Variants in ZFP64 observed in about 807,000 individuals in gnomAD.
ZFP64 encodes the protein ZFP64 zinc finger protein, also known as zinc finger protein 64.
A neutral mutation model predicts 51.6 loss-of-function variants in ZFP64; 14 were observed. The observed-to-expected ratio is 0.27, with a 90% CI of 0.18 to 0.42. The LOEUF (loss-of-function observed/expected upper bound fraction) is 0.42, where lower values mean the gene tolerates loss of function less well. Ranked by LOEUF, ZFP64 falls within the 10% of genes least tolerant of loss-of-function variation. The pLI, the probability that ZFP64 is intolerant of heterozygous loss-of-function variation, is 1.00. For missense variants in ZFP64, 754 were observed against 906.8 expected (o/e 0.83, Z 2.16); for synonymous variants, 375 against 361.4 (o/e 1.04, Z -0.43).
intron 5 of ZFP64, among the ~76,000 whole-genome samples, chr20:52,118,013 G>A (rs1184505878): frequency 6.6e-6 from 1 of 151,942 alleles, no homozygotes; most frequent in Non-Finnish European, 1.5e-5. Flanking sequence ...GCCCAGGCTG[G>A]TCTTGAACTC....
At chr20:52,128,480 T>A (rs1979552056) in intron 5 of ZFP64, among the ~76,000 whole-genome samples, 1 of 152,182 alleles carries the variant, frequency 6.6e-6, no homozygotes, top group Non-Finnish European at 1.5e-5. Context: ...AAAACAGGAA[T>A]AAAATCATAC....
At chr20:52,175,947 A>C (rs1983172064) in intron 2 of ZFP64, 1 of 978,808 alleles carries the variant, frequency 1.0e-6, no homozygotes, top group Admixed American at 6.9e-5. Flanking sequence ...AACGGCCTTT[A>C]CCGTCCACAG....
At position 52,153,595 on chromosome 20, in the gene ZFP64, T is replaced by C. The variant is rs1458090085; in HGVS notation, c.764-167A>G. On this transcript the variant is annotated intron_variant, in intron 5 of 5. Transcript: ENST00000216923. The surrounding 1 kb of genome is among the most constrained non-coding windows in gnomAD (Gnocchi z 5.1). ...TGGGGGAAGAGGGGCAGGGCGTCTT[T>C]ATCTTTCCCCGGAACCCAAACCACC... 6.6e-6 allele frequency among the ~76,000 whole-genome samples: 1 copy of C among 152,152 alleles called. No homozygotes were observed. The highest frequency in any genetic ancestry group is 2.4e-5 in the African/African-American group (1 of 41,438).
At chr20:52,096,563 G>A (rs978600721) in intron 7 of ZFP64, among the ~76,000 whole-genome samples, 1 of 152,216 alleles carries the variant, frequency 6.6e-6, no homozygotes, top group Non-Finnish European at 1.5e-5. Flanking sequence ...ACAGATTAAG[G>A]GTTGGCAAAG....
intron 5 of ZFP64, among the ~76,000 whole-genome samples, chr20:52,102,912 T>C (rs987312241): frequency 6.6e-6 from 1 of 152,216 alleles, no homozygotes; most frequent in African/African-American, 2.4e-5. Context: ...ACACGTAAGA[T>C]TCTACCAGAT....
chr20:52,097,097 C>T (rs2078996613), intron 7 of ZFP64: 1 of 715,900 alleles, frequency 1.4e-6, no homozygotes, highest in Non-Finnish European at 2.6e-6. Context: ...TTTCTCTTCT[C>T]AGCAGCTGGC....
chr20:52,160,094 G>A lies in ZFP64; in HGVS notation c.763+29C>T, dbSNP rs115401275. On this transcript the variant is annotated intron_variant, in intron 5 of 5. Coordinates refer to ENST00000216923, the MANE Select transcript of ZFP64 (RefSeq NM_018197.3). The surrounding 1 kb of genome is among the most constrained non-coding windows in gnomAD (Gnocchi z 4.2). ...ATTTATGCCATAGAAAGTGAGGAGCGTAGAGAGCAAATAACAGGCAGGACT... is the reference window on the plus strand; with the variant it reads ...ATTTATGCCATAGAAAGTGAGGAGCATAGAGAGCAAATAACAGGCAGGACT... 1.2e-3 allele frequency: 1,995 copies of A among 1,614,072 alleles called. 21 individuals carry two copies. In the African/African-American group the frequency reaches 0.023, roughly 18 times the overall value.
chr20:52,088,821 T>C (rs1568939745), intron 7 of ZFP64: 1 of 795,054 alleles, frequency 1.3e-6, no homozygotes, highest in Non-Finnish European at 2.0e-6. Flanking sequence ...TATCATTCAT[T>C]GATAGTTCAG....
chr20:52,169,196 T>C (rs1207724811), intron 2 of ZFP64, among the ~76,000 whole-genome samples: 1 of 152,222 alleles, frequency 6.6e-6, no homozygotes, highest in African/African-American at 2.4e-5. Context: ...GATGTGGCCA[T>C]GGTTGAATCT....
chr20:52,181,730 T>C (rs1302234444), intron 2 of ZFP64, among the ~76,000 whole-genome samples: 1 of 152,164 alleles, frequency 6.6e-6, no homozygotes, highest in South Asian at 2.1e-4. Flanking sequence ...TACAGATACC[T>C]GAGCCTCGGC....
At chr20:52,103,844 G>A (rs1403912857) in intron 5 of ZFP64, among the ~76,000 whole-genome samples, 1 of 152,202 alleles carries the variant, frequency 6.6e-6, no homozygotes, top group African/African-American at 2.4e-5. Context: ...ACTCGAGCAA[G>A]CTTTATTTTA....
chr20:52,118,138 T>C (rs1385394626), intron 5 of ZFP64, among the ~76,000 whole-genome samples: 2 of 152,110 alleles, frequency 1.3e-5, no homozygotes, highest in African/African-American at 4.8e-5. Context: ...GTTAAGTTAC[T>C]AGTGCACAAA....
At chr20:52,176,664 C>T (rs1441138704) in intron 2 of ZFP64, among the ~76,000 whole-genome samples, 1 of 151,736 alleles carries the variant, frequency 6.6e-6, no homozygotes, top group African/African-American at 2.4e-5. Flanking sequence ...CGCCCGCCAC[C>T]GCGCCCGGCT....
chr20:52,188,127 C>T lies in ZFP64; in HGVS notation c.47-1056G>A, dbSNP rs572269582. On this transcript the variant is annotated intron_variant, in intron 1 of 5. Coordinates refer to ENST00000216923, the MANE Select transcript of ZFP64 (RefSeq NM_018197.3). The stretch of plus-strand genomic sequence containing the variant: ...GTGATGGTGGGGCTTCTGCAGCCAT[C>T]TTGTAACTATGAGAAAAATGCCAAG... 2.6e-3 allele frequency among the ~76,000 whole-genome samples: 393 copies of T among 152,154 alleles called. 3 individuals carry two copies. Among genetic ancestry groups the T allele is most frequent in the African/African-American group, 9.0e-3 (372 of 41,524 alleles).
intron 5 of ZFP64, among the ~76,000 whole-genome samples, chr20:52,136,092 C>T (rs1289173210): frequency 2.5e-5 from 2 of 79,026 alleles, no homozygotes; most frequent in African/African-American, 9.5e-5. Flanking sequence ...GAGGGAGACT[C>T]TCTCAAAAAA....
At chr20:52,087,979 AG>A (rs1702310698) in intron 8 of ZFP64, among the ~76,000 whole-genome samples, 1 of 152,200 alleles carries the variant, frequency 6.6e-6, no homozygotes, top group Non-Finnish European at 1.5e-5. Flanking sequence ...TCATTTCAGT[AG>A]GGTCCCATAA....
intron 5 of ZFP64, among the ~76,000 whole-genome samples, chr20:52,129,301 C>T (rs1454094643): frequency 1.4e-5 from 2 of 147,246 alleles, no homozygotes; most frequent in African/African-American, 2.5e-5. Flanking sequence ...GATGGGGTTT[C>T]ACCGTGTTAG....
chr20:52,127,034 C>A (rs576184238), intron 5 of ZFP64, among the ~76,000 whole-genome samples: 5 of 151,678 alleles, frequency 3.3e-5, no homozygotes, highest in African/African-American at 1.2e-4. Context: ...TCACTGCAAC[C>A]TCCACTTCCC....
chr20:52,085,237 T>C lies in ZFP64; in HGVS notation c.1258A>G (p.Ser420Gly). 6.2e-7 allele frequency: 1 copy of C among 1,613,856 alleles called. No individual in the cohort carries two copies. The highest frequency in any genetic ancestry group is 8.5e-7 in the Non-Finnish European group (1 of 1,179,862). The change falls in exon 9 of 9, where the codon AGC becomes GGC. Residue 420 changes from serine to glycine, a missense_variant. Physicochemically the swap from Ser to Gly is moderately conservative, Grantham distance 56. Coordinates refer to the ZFP64 transcript ENST00000361387. This position sits in a 1 kb window ranked among gnomAD's most constrained non-coding sequence, Gnocchi z 4.3. ...TCCGAGCTGATTTTGAACTTGGCGCTACAGAGCCAGCACTGGAAGGGGGTA... is the reference window on the plus strand; with the variant it reads ...TCCGAGCTGATTTTGAACTTGGCGCCACAGAGCCAGCACTGGAAGGGGGTA...
Sources: gnomAD v4.1 joint callset for allele counts (sites outside exome capture counted in the v4.1 genomes callset) on GRCh38, gnomAD v4.1.1 for gene constraint, Gnocchi (gnomAD v3.1) non-coding constraint, MANE v1.5 for transcripts, NCBI Gene and HGNC (gene_info 2026-07-23, HGNC 2026-07-21) for gene names.